Variants in UBL3 observed in about 807,000 individuals in gnomAD.
UBL3 encodes ubiquitin like 3.
Under a neutral mutation model 18.4 loss-of-function variants are expected in UBL3, and 6 were observed. That is an observed-to-expected ratio of 0.33 (90% confidence interval 0.18 to 0.64). The LOEUF is 0.64. Among genes scored for constraint, UBL3 ranks in the 30% least tolerant of loss-of-function variants. The pLI is 0.76. For missense variants in UBL3, 109 were observed against 142.9 expected (o/e 0.76, Z 1.21); for synonymous variants, 49 against 46.6 (o/e 1.05, Z -0.21).
At chr13:29,810,607 T>G (rs1285464418) in intron 1 of UBL3, among the ~76,000 whole-genome samples, 3 of 152,120 alleles carry the variant, frequency 2.0e-5, no homozygotes, top group African/African-American at 7.2e-5. Context: ...TGGTGTATAG[T>G]ACATTTTGTG....
rs74044765 is a variant in UBL3, at chr13:29,847,300, C to T, written c.27+2212G>A. On this transcript the variant is annotated intron_variant, in intron 1 of 4. Transcript: ENST00000380680. ...ATCAAACCTGTGCTGTACGTTAGTA[C>T]CCACTCTGAAATAGCATCATCAGGG... is the stretch of plus-strand genomic sequence containing the variant. Among the ~76,000 whole-genome samples the T allele has an allele frequency of 2.3e-3, 351 of 152,292 alleles. 3 individuals are homozygous for T. Among genetic ancestry groups the T allele is most frequent in the African/African-American group, 8.3e-3 (346 of 41,562 alleles).
chr13:29,835,180 A>ATATATATATC (rs1878928213), intron 1 of UBL3, among the ~76,000 whole-genome samples: 7 of 81,764 alleles, frequency 8.6e-5, no homozygotes, highest in African/African-American at 3.4e-4. Flanking sequence ...ATATATATAT[A>ATATATATATC]TATATCTCCA....
chr13:29,775,289 C>T (rs1267087550), intron 2 of UBL3, among the ~76,000 whole-genome samples: 1 of 152,042 alleles, frequency 6.6e-6, no homozygotes, highest in Non-Finnish European at 1.5e-5. Flanking sequence ...AGAGTTTTAA[C>T]TGGGTTTAAG....
intron 1 of UBL3, among the ~76,000 whole-genome samples, chr13:29,809,785 A>G (rs1565995936): frequency 6.6e-6 from 1 of 152,104 alleles, no homozygotes. Context: ...CAGATAACAA[A>G]AACCAAGGAC....
chr13:29,777,097 G>T, intron 2 of UBL3, 58 bp downstream of exon 2: 2 of 1,225,438 alleles, frequency 1.6e-6, no homozygotes, highest in Non-Finnish European at 2.2e-6. Flanking sequence ...ATGTTTGTGA[G>T]ACAAGGTAGG....
At chr13:29,825,322 T>G (rs1439139759) in intron 1 of UBL3, among the ~76,000 whole-genome samples, 1 of 152,218 alleles carries the variant, frequency 6.6e-6, no homozygotes, top group Admixed American at 6.5e-5. Flanking sequence ...TATTGATTAT[T>G]CCTATCCATC....
intron 1 of UBL3, among the ~76,000 whole-genome samples, chr13:29,820,662 C>G (rs1878411759): frequency 6.6e-6 from 1 of 152,062 alleles, no homozygotes; most frequent in African/African-American, 2.4e-5. Flanking sequence ...CATTTCTGTC[C>G]TTTCATTCTA....
chr13:29,798,644 T>A (rs1281458428), intron 1 of UBL3, among the ~76,000 whole-genome samples: 2 of 152,194 alleles, frequency 1.3e-5, no homozygotes, highest in African/African-American at 2.4e-5. Flanking sequence ...AATAGAGTAG[T>A]CTGAATCAAG....
At chr13:29,807,252 T>C (rs949205567) in intron 1 of UBL3, among the ~76,000 whole-genome samples, 6 of 152,164 alleles carry the variant, frequency 3.9e-5, no homozygotes, top group Non-Finnish European at 7.3e-5. Context: ...GAAACGAAGG[T>C]TAAACTGTAA....
At chr13:29,835,124 AAATATAT>A (rs1878906520) in intron 1 of UBL3, among the ~76,000 whole-genome samples, 1 of 36,768 alleles carries the variant, frequency 2.7e-5, no homozygotes, top group African/African-American at 3.0e-4. Flanking sequence ...ATATATATAT[AAATATAT>A]ATATATATAT....
chr13:29,803,060 G>A (rs1286206111), intron 1 of UBL3, among the ~76,000 whole-genome samples: 1 of 152,120 alleles, frequency 6.6e-6, no homozygotes, highest in Non-Finnish European at 1.5e-5. Context: ...AGAGAGAAGA[G>A]GCAGGTCACT....
intron 1 of UBL3, among the ~76,000 whole-genome samples, chr13:29,781,779 T>C (rs572904629): frequency 6.8e-6 from 1 of 146,172 alleles, no homozygotes; most frequent in South Asian, 2.1e-4. Flanking sequence ...AGGCCAGGAG[T>C]TTGAGACCAG....
intron 1 of UBL3, among the ~76,000 whole-genome samples, chr13:29,838,587 A>G (rs1247717414): frequency 2.0e-5 from 3 of 152,226 alleles, no homozygotes; most frequent in African/African-American, 7.2e-5. Context: ...TTTATGACAG[A>G]CAAAAAAGTT....
intron 3 of UBL3, among the ~76,000 whole-genome samples, chr13:29,768,451 T>G (rs899337617): frequency 3.9e-5 from 6 of 152,066 alleles, no homozygotes; most frequent in African/African-American, 1.4e-4. Context: ...TTTCTATAGT[T>G]GTTATGTTTT....
chr13:29,842,410 C>T (rs1879128921), intron 1 of UBL3, among the ~76,000 whole-genome samples: 1 of 152,160 alleles, frequency 6.6e-6, no homozygotes, highest in Admixed American at 6.5e-5. Context: ...CCACCCACCT[C>T]GGCCTCCCAA....
At chr13:29,806,208 A>G (rs764390041) in intron 1 of UBL3, among the ~76,000 whole-genome samples, 1 of 152,110 alleles carries the variant, frequency 6.6e-6, no homozygotes, top group African/African-American at 2.4e-5. Context: ...AAAACCCCAC[A>G]AAGTAGTATC....
intron 2 of UBL3, among the ~76,000 whole-genome samples, chr13:29,776,037 C>T (rs1298771724): frequency 6.6e-6 from 1 of 151,900 alleles, no homozygotes; most frequent in African/African-American, 2.4e-5. Context: ...ATTATCTTGA[C>T]CTTATAGTAG....
chr13:29,812,928 A>C (rs1212317497), intron 1 of UBL3, among the ~76,000 whole-genome samples: 1 of 152,108 alleles, frequency 6.6e-6, no homozygotes, highest in Non-Finnish European at 1.5e-5. Flanking sequence ...GTTGTCTTTT[A>C]ACTTTAATGT....
rs1408296563 is a variant in UBL3 at position 29,850,114 on chromosome 13, G to A, written c.-576C>T. 6.6e-6 allele frequency: 1 copy of A among 152,386 alleles called. No homozygotes were observed. The highest frequency in any genetic ancestry group is 2.4e-5 in the African/African-American group (1 of 41,456). 9.4% of individuals were successfully genotyped at this position (152,386 alleles called of 1,614,324 possible). ...GCCCGCGCGGACAGCGCGGGGAAAC[G>A]GCTCAACTCGCGCCGCGGGGGCGAA... is the stretch of plus-strand genomic sequence containing the variant. On this transcript the variant is annotated 5_prime_UTR_variant, in exon 1 of 5. Coordinates refer to ENST00000380680, the MANE Select transcript of UBL3 (RefSeq NM_007106.4).
Sources: allele counts gnomAD v4.1 joint callset (sites outside exome capture counted in the v4.1 genomes callset), GRCh38; gene constraint gnomAD v4.1.1; transcripts MANE v1.5; gene names NCBI Gene and HGNC (gene_info 2026-07-23, HGNC 2026-07-21).